The following RP1 variants were observed in gnomAD, a reference collection of about 807,000 sequenced individuals.
The protein encoded by RP1 is RP1 axonemal microtubule associated, also known as oxygen-regulated protein 1.
A neutral mutation model predicts 14.8 loss-of-function variants in RP1; 16 were observed. That is an observed-to-expected ratio of 1.08 (90% CI 0.73 to 1.65). The LOEUF (loss-of-function observed/expected upper bound fraction) is 1.65, where lower values mean the gene tolerates loss of function less well. RP1 is among the 40% of genes most tolerant of loss of function. The pLI is 0.00. For missense variants in RP1, 2,631 were observed against 2,535.0 expected (o/e 1.04, Z -0.81); for synonymous variants, 876 against 883.6 (o/e 0.99, Z 0.15).
intron 24 of RP1, among the ~76,000 whole-genome samples, chr8:54,807,176 G>A (rs1473108961): frequency 6.6e-6 from 1 of 152,120 alleles, no homozygotes; most frequent in African/African-American, 2.4e-5. Flanking sequence ...GGAGCAATGG[G>A]CACACAGCTT....
At chr8:54,748,010 T>C (rs1351625945) in intron 19 of RP1, among the ~76,000 whole-genome samples, 1 of 152,252 alleles carries the variant, frequency 6.6e-6, no homozygotes, top group East Asian at 1.9e-4. Context: ...AGGAATTCTC[T>C]TGAAGCTTTT....
At chr8:54,850,798 T>C (rs552296445) in intron 25 of RP1, among the ~76,000 whole-genome samples, 2 of 152,358 alleles carry the variant, frequency 1.3e-5, no homozygotes, top group South Asian at 2.1e-4. Flanking sequence ...TGTACTACTA[T>C]AGCAAATGCT....
chr8:54,715,105 A>C (rs542175617), intron 15 of RP1, among the ~76,000 whole-genome samples: 1 of 152,378 alleles, frequency 6.6e-6, no homozygotes, highest in East Asian at 1.9e-4. Flanking sequence ...TGCTTGACAA[A>C]TATTAAGTAT....
intron 25 of RP1, among the ~76,000 whole-genome samples, chr8:54,839,572 C>T (rs1811744057): frequency 6.6e-6 from 1 of 152,170 alleles, no homozygotes; most frequent in African/African-American, 2.4e-5. Context: ...CCCTGGAAAT[C>T]TTTGCTCAGC....
chr8:54,772,323 A>C (rs1809929254), downstream of RP1, among the ~76,000 whole-genome samples: 1 of 151,846 alleles, frequency 6.6e-6, no homozygotes, highest in Non-Finnish European at 1.5e-5. Flanking sequence ...CACATAATAA[A>C]CCCCCTCACT....
chr8:54,580,343 T>C (rs1163772160), intron 1 of RP1, among the ~76,000 whole-genome samples: 2 of 140,832 alleles, frequency 1.4e-5, no homozygotes, highest in Non-Finnish European at 3.1e-5. Flanking sequence ...AGTCTCACTC[T>C]GTCGCCAGGC....
chr8:54,712,204 A>G (rs756145823), intron 15 of RP1, among the ~76,000 whole-genome samples: 6 of 152,284 alleles, frequency 3.9e-5, no homozygotes, highest in South Asian at 2.1e-4. Flanking sequence ...TGTGGCCTAC[A>G]TCGGGAGAGA....
chr8:54,715,094 G>A (rs2129348204), intron 15 of RP1, among the ~76,000 whole-genome samples: 1 of 152,390 alleles, frequency 6.6e-6, no homozygotes, highest in South Asian at 2.1e-4. Context: ...GTTTTGGTAA[G>A]TGCTTGACAA....
chr8:54,575,199 C>T (rs1403341593), intron 1 of RP1, among the ~76,000 whole-genome samples: 1 of 152,056 alleles, frequency 6.6e-6, no homozygotes, highest in Non-Finnish European at 1.5e-5. Context: ...AATCCTTCAC[C>T]CCAAGACTCT....
intron 1 of RP1, among the ~76,000 whole-genome samples, chr8:54,584,886 A>ATG (rs1285910343): frequency 6.6e-6 from 1 of 152,106 alleles, no homozygotes; most frequent in Non-Finnish European, 1.5e-5. Context: ...TTTTGAGCCT[A>ATG]TGTGTGTCTC....
At chr8:54,759,036 G>C in exon 22 of RP1, 1 of 1,535,730 alleles carries the variant, frequency 6.5e-7, no homozygotes, top group Admixed American at 2.0e-5. Flanking sequence ...CATAGTCAGA[G>C]AGCCCGGCAC....
At chr8:54,746,662 C>CT (rs1038141888) in intron 19 of RP1, among the ~76,000 whole-genome samples, 7 of 151,940 alleles carry the variant, frequency 4.6e-5, no homozygotes, top group South Asian at 2.1e-4. Context: ...CTTAGGTTTT[C>CT]TTTTTTTTAT....
downstream of RP1, among the ~76,000 whole-genome samples, chr8:54,633,767 T>A (rs895630459): frequency 7.0e-6 from 1 of 143,238 alleles, no homozygotes; most frequent in Non-Finnish European, 1.5e-5. Context: ...ATATGAAATG[T>A]AATATTTTCA....
At chr8:54,851,293 A>G (rs1812056523) in intron 25 of RP1, among the ~76,000 whole-genome samples, 1 of 152,156 alleles carries the variant, frequency 6.6e-6, no homozygotes, top group African/African-American at 2.4e-5. Context: ...TTTTTTATGT[A>G]TACTTTCAAA....
exon 29 of RP1, chr8:54,870,137 A>T: frequency 2.7e-6 from 1 of 374,228 alleles, no homozygotes; most frequent in Non-Finnish European, 4.7e-6. Flanking sequence ...GCTGACCAAG[A>T]TCAGCCCCTG....
chr8:54,770,206 A>T, downstream of RP1: 2 of 400,644 alleles, frequency 5.0e-6, no homozygotes, highest in Non-Finnish European at 8.8e-6. Flanking sequence ...TAATCATCTG[A>T]AATAATCCAT....
chr8:54,576,345 A>G (rs564051735), intron 1 of RP1, among the ~76,000 whole-genome samples: 69 of 150,572 alleles, frequency 4.6e-4, no homozygotes, highest in African/African-American at 1.6e-3. Flanking sequence ...GCGCCCGGCC[A>G]GAACATGTCA....
rs1162719061 is a variant in RP1, at chr8:54,624,823, C to G, written c.941C>G (p.Pro314Arg). ...KNDSQNLPIY[P>R]SEDDIEKSII... is the part of the protein sequence containing the mutation. ...GATTCTCAGAATTTACCAATATATCCTTCTGAAGATGATATTGAGAAATCA... is the reference window on the plus strand; with the variant it reads ...GATTCTCAGAATTTACCAATATATCGTTCTGAAGATGATATTGAGAAATCA... The change falls in exon 4 of 4, where the codon CCT becomes CGT. Residue 314 changes from proline to arginine, a missense_variant. Coordinates refer to ENST00000220676, the MANE Select transcript of RP1 (RefSeq NM_006269.2). 1.4e-5 allele frequency: 22 copies of G among 1,613,582 alleles called. No individual in the cohort carries two copies. Among genetic ancestry groups the G allele is most frequent in the Non-Finnish European group, 1.7e-5 (20 of 1,179,864 alleles).
chr8:54,791,715 A>G (rs1344640404), intron 24 of RP1, among the ~76,000 whole-genome samples: 1 of 152,076 alleles, frequency 6.6e-6, no homozygotes, highest in East Asian at 1.9e-4. Context: ...CCTGCAGTAG[A>G]TACACAAAAG....
Sources: allele counts gnomAD v4.1 joint callset (sites outside exome capture counted in the v4.1 genomes callset), GRCh38; gene constraint gnomAD v4.1.1; transcripts MANE v1.5; gene names NCBI Gene and HGNC (gene_info 2026-07-23, HGNC 2026-07-21).